The following RXRG variants were observed in gnomAD, a reference collection of about 807,000 sequenced individuals.
RXRG encodes retinoid X receptor gamma.
In RXRG, 19 loss-of-function variants were observed where a neutral mutation model predicts 49.2. That is an observed-to-expected ratio of 0.39 (90% CI 0.27 to 0.57). The LOEUF (loss-of-function observed/expected upper bound fraction) is 0.57, where lower values mean the gene tolerates loss of function less well. Among genes scored for constraint, RXRG ranks in the 20% least tolerant of loss-of-function variants. RXRG has a pLI of 0.64. For missense variants in RXRG, 452 were observed against 592.5 expected, an observed-to-expected ratio of 0.76 and a Z score of 2.46; for synonymous variants, 224 against 216.6, an observed-to-expected ratio of 1.03 and a Z score of -0.30.
chr1:165,419,440 G>T (rs1458784686), intron 3 of RXRG, among the ~76,000 whole-genome samples: 2 of 151,690 alleles, frequency 1.3e-5, no homozygotes, highest in Non-Finnish European at 2.9e-5. Context: ...GCCTAGGCTG[G>T]AGTACAGTAG....
At chr1:165,434,044 T>C (rs537684617) in intron 1 of RXRG, among the ~76,000 whole-genome samples, 26 of 152,240 alleles carry the variant, frequency 1.7e-4, no homozygotes, top group Admixed American at 1.6e-3. Context: ...CTATGTAAAT[T>C]TGAGCACGGA....
chr1:165,416,739 A>T (rs1194387249), intron 4 of RXRG, among the ~76,000 whole-genome samples: 3 of 152,162 alleles, frequency 2.0e-5, no homozygotes, highest in Non-Finnish European at 2.9e-5. Flanking sequence ...CAGTTTGGGG[A>T]TCACCATCTG....
chr1:165,441,941 TG>T (rs1021948847), intron 1 of RXRG, among the ~76,000 whole-genome samples: 14 of 152,342 alleles, frequency 9.2e-5, no homozygotes, highest in Admixed American at 9.1e-4. Context: ...TTGGCCAGTT[TG>T]AGCAATCTGT....
chr1:165,412,034 C>T (rs1325024357), intron 4 of RXRG, among the ~76,000 whole-genome samples: 1 of 152,166 alleles, frequency 6.6e-6, no homozygotes, highest in African/African-American at 2.4e-5. Context: ...TAGCCTGAAA[C>T]TCCATGACAG....
intron 3 of RXRG, among the ~76,000 whole-genome samples, chr1:165,417,980 A>G (rs169528): frequency 0.91 from 137,850 of 151,740 alleles, 63,040 homozygotes; most frequent in Non-Finnish European, 0.94. Context: ...GCATGGTGGC[A>G]CATGCCTGTG....
In RXRG at chr1:165,417,049, T is replaced by C; in HGVS notation, c.614A>G (p.Lys205Arg). 1.2e-6 allele frequency: 2 copies of C among 1,613,296 alleles called. No individual in the cohort carries two copies. Among genetic ancestry groups the C allele is most frequent in the Non-Finnish European group, 1.7e-6 (2 of 1,179,550 alleles). ...AACTGAATGTGTCTCACCTTCCCTC[T>C]TCATGCCCATGACAAGGCACTTCTG... is the stretch of plus-strand genomic sequence containing the variant. The part of the protein sequence containing the change: ...RYQKCLVMGM[K>R]REAVQEERQR... Residue 205 changes from lysine (K) to arginine (R), a missense_variant, in exon 4 of 10, where the codon AAG (lysine) becomes AGG (arginine). Around this residue, in one of 2 missense-constraint regions of RXRG, gnomAD observed 286 missense variants for 440.9 expected, o/e 0.65. Coordinates refer to ENST00000359842, the MANE Select transcript of RXRG (RefSeq NM_006917.5).
At chr1:165,442,027 A>G (rs2101751024) in intron 1 of RXRG, among the ~76,000 whole-genome samples, 1 of 152,282 alleles carries the variant, frequency 6.6e-6, no homozygotes, top group South Asian at 2.1e-4. Context: ...TTATTTCCAA[A>G]AGGTGACTTT....
chr1:165,437,553 T>C (rs780696653), intron 1 of RXRG, among the ~76,000 whole-genome samples: 27 of 152,140 alleles, frequency 1.8e-4, no homozygotes, highest in Non-Finnish European at 3.2e-4. Flanking sequence ...GATTGCCCTG[T>C]TCAGATAGAG....
At chr1:165,419,396 CT>C (rs565597851) in intron 3 of RXRG, among the ~76,000 whole-genome samples, 204 of 145,858 alleles carry the variant, frequency 1.4e-3, no homozygotes, top group South Asian at 2.0e-3. Context: ...ATTCTTAATA[CT>C]TTTTTTTTTT....
intron 2 of RXRG, among the ~76,000 whole-genome samples, chr1:165,423,066 C>A (rs1172930462): frequency 6.6e-6 from 1 of 152,222 alleles, no homozygotes; most frequent in Admixed American, 6.5e-5. Flanking sequence ...CACTCCTCCT[C>A]TTCATGAGTG....
At chr1:165,438,463 G>A (rs1658882465) in intron 1 of RXRG, among the ~76,000 whole-genome samples, 2 of 152,142 alleles carry the variant, frequency 1.3e-5, no homozygotes, top group Non-Finnish European at 2.9e-5. Flanking sequence ...TTTAAGGTCC[G>A]TAGTTTTATT....
chr1:165,420,332 A>T (rs558158804), intron 2 of RXRG, among the ~76,000 whole-genome samples: 1 of 152,358 alleles, frequency 6.6e-6, no homozygotes, highest in Non-Finnish European at 1.5e-5. Flanking sequence ...TTACACACCC[A>T]GGACAATGTC....
chr1:165,433,081 A>G (rs886364128), intron 1 of RXRG, among the ~76,000 whole-genome samples: 5 of 152,016 alleles, frequency 3.3e-5, no homozygotes, highest in Non-Finnish European at 7.4e-5. Context: ...TCTGCATCAG[A>G]GGATGCACAA....
At chr1:165,405,417 C>T (rs1657712747) in intron 9 of RXRG, among the ~76,000 whole-genome samples, 1 of 152,214 alleles carries the variant, frequency 6.6e-6, no homozygotes, top group African/African-American at 2.4e-5. Flanking sequence ...ATATTTTCTT[C>T]TGTTCTTCGG....
At chr1:165,433,091 A>G (rs1177738966) in intron 1 of RXRG, among the ~76,000 whole-genome samples, 2 of 151,820 alleles carry the variant, frequency 1.3e-5, no homozygotes, top group African/African-American at 4.8e-5. Flanking sequence ...AGGATGCACA[A>G]TTTGTCCATT....
chr1:165,436,655 T>A (rs552444489), intron 1 of RXRG, among the ~76,000 whole-genome samples: 236 of 152,258 alleles, frequency 1.5e-3, no homozygotes, highest in African/African-American at 5.5e-3. Flanking sequence ...GGGCAGGCAC[T>A]CATGAGGTCA....
chr1:165,406,737 G>A (rs1229268666), intron 9 of RXRG, 75 bp downstream of exon 9: 2 of 1,044,210 alleles, frequency 1.9e-6, no homozygotes, highest in African/African-American at 3.1e-5. Context: ...AGTGCCTGCT[G>A]CACTTTAGGG....
chr1:165,414,341 G>A (rs1286635477), intron 4 of RXRG, among the ~76,000 whole-genome samples: 1 of 152,172 alleles, frequency 6.6e-6, no homozygotes, highest in Non-Finnish European at 1.5e-5. Flanking sequence ...GTCTCTTACA[G>A]TTCACATGTC....
chr1:165,442,603 T>G (rs929636143), intron 1 of RXRG, among the ~76,000 whole-genome samples: 1 of 152,250 alleles, frequency 6.6e-6, no homozygotes, highest in Non-Finnish European at 1.5e-5. Context: ...GTGGATTTAA[T>G]TTTATTTTCC....
Sources: gnomAD v4.1 joint callset for allele counts (sites outside exome capture counted in the v4.1 genomes callset) on GRCh38, gnomAD v4.1.1 for gene constraint, gnomAD v4.1.1 regional missense constraint, MANE v1.5 for transcripts, NCBI Gene and HGNC (gene_info 2026-07-23, HGNC 2026-07-21) for gene names.